Variants in RTF1 observed in about 807,000 individuals in gnomAD.
The protein encoded by RTF1 is RNA polymerase-associated protein RTF1 homolog.
In RTF1, 10 loss-of-function variants were observed where a neutral mutation model predicts 95.7. The ratio of observed to expected loss-of-function variants is 0.10; its 90% confidence interval spans 0.06 to 0.18. The LOEUF (loss-of-function observed/expected upper bound fraction) is 0.18, where lower values mean the gene tolerates loss of function less well. Ranked by LOEUF, RTF1 falls within the 10% of genes least tolerant of loss-of-function variation. RTF1 has a pLI of 1.00. For missense variants in RTF1, 458 were observed against 875.6 expected (o/e 0.52, Z 6.02); for synonymous variants, 305 against 311.8 (o/e 0.98, Z 0.23).
rs2050576179 is a variant in RTF1, at chr15:41,417,299, G to C, written c.184G>C (p.Glu62Gln). Reference protein sequence around the residue: ...DSDTEDSGSDENLDQELLSLA... With the variant: ...DSDTEDSGSDQNLDQELLSLA... ...GGACACAGAGGACAGCGGCAGCGACGAGAACCTGGATCAGGTGAGGGCAGG... is the reference window on the plus strand; with the variant it reads ...GGACACAGAGGACAGCGGCAGCGACCAGAACCTGGATCAGGTGAGGGCAGG... The change falls in exon 1 of 18, where the codon GAG (glutamate) becomes CAG (glutamine). Residue 62 changes from glutamate (E) to glutamine (Q), a missense_variant. Glu to Gln is a conservative substitution (Grantham distance 29). Coordinates refer to ENST00000389629, the MANE Select transcript of RTF1 (RefSeq NM_015138.5). The C allele has an allele frequency of 8.0e-7, 1 of 1,247,526 alleles. No individual in the cohort carries two copies. Among genetic ancestry groups the C allele is most frequent in the Admixed American group, 4.2e-5 (1 of 23,676 alleles). 77.3% of individuals were successfully genotyped at this position (1,247,526 alleles called of 1,614,324 possible).
At chr15:41,457,492 T>TCCAG (rs1380631070) in intron 3 of RTF1, among the ~76,000 whole-genome samples, 180 bp from the exon 4 acceptor site, 3 of 152,020 alleles carry the variant, frequency 2.0e-5, no homozygotes, top group African/African-American at 7.2e-5. Context: ...GCCACTGCAC[T>TCCAG]CCAGCCTAGG....
intron 1 of RTF1, among the ~76,000 whole-genome samples, chr15:41,418,734 G>A (rs2050584461): frequency 6.6e-6 from 1 of 150,844 alleles, no homozygotes; most frequent in South Asian, 2.1e-4. Flanking sequence ...TCTTGAACCC[G>A]GGAGGCGGAG....
chr15:41,456,262 G>A (rs1185831573), intron 3 of RTF1, among the ~76,000 whole-genome samples: 1 of 151,332 alleles, frequency 6.6e-6, no homozygotes, highest in Non-Finnish European at 1.5e-5. Flanking sequence ...TGAGGTCGGC[G>A]GATCATGAGG....
chr15:41,417,249 G>A lies in RTF1; in HGVS notation c.134G>A (p.Arg45Gln). ...CGGGGGACCACCATGGTAAAGAAGC[G>A]GAAAGGCCGCGTCGTGATCGACTCG... ...GSRGTTMVKK[R>Q]KGRVVIDSDT... The change falls in exon 1 of 18, where the codon CGG becomes CAG. Residue 45 changes from arginine to glutamine, a missense_variant. Arg to Gln is a conservative substitution (Grantham distance 43, BLOSUM62 1). Around this residue, in one of 11 missense-constraint regions of RTF1, gnomAD observed 44 missense variants for 99.5 expected, o/e 0.44. Coordinates refer to ENST00000389629, the MANE Select transcript of RTF1 (RefSeq NM_015138.5). 8.0e-7 allele frequency: 1 copy of A among 1,253,632 alleles called. No homozygotes were observed. 77.7% of individuals were successfully genotyped at this position (1,253,632 alleles called of 1,614,324 possible).
intron 16 of RTF1, 145 bp from the exon 17 acceptor site, chr15:41,480,069 C>T: frequency 1.6e-6 from 1 of 613,722 alleles, no homozygotes; most frequent in Non-Finnish European, 2.9e-6. Flanking sequence ...TCTGTGGCCT[C>T]CCTCTGAGAG....
chr15:41,454,817 C>T (rs1252175106), intron 3 of RTF1, among the ~76,000 whole-genome samples: 2 of 152,152 alleles, frequency 1.3e-5, no homozygotes, highest in African/African-American at 4.8e-5. Context: ...GTTGCTATTT[C>T]AACTTAAATT....
At chr15:41,426,876 C>T (rs1446950518) in intron 1 of RTF1, among the ~76,000 whole-genome samples, 1 of 149,526 alleles carries the variant, frequency 6.7e-6, no homozygotes, top group African/African-American at 2.5e-5. Flanking sequence ...GAGTCTCACT[C>T]TGTTGCCCAG....
At chr15:41,443,109 A>C (rs1215410539) in intron 2 of RTF1, among the ~76,000 whole-genome samples, 1 of 152,190 alleles carries the variant, frequency 6.6e-6, no homozygotes, top group Non-Finnish European at 1.5e-5. Flanking sequence ...TTAATCGGTA[A>C]TTTGTTTATA....
At position 41,482,790 on chromosome 15, in the gene RTF1, G is replaced by A. The variant is rs1246026560; in HGVS notation, c.*2103G>A. 1.3e-5 allele frequency: 2 copies of A among 152,506 alleles called. No homozygotes were observed. The highest frequency in any genetic ancestry group is 3.8e-4 in the East Asian group (2 of 5,202). 9.4% of individuals were successfully genotyped at this position (152,506 alleles called of 1,614,324 possible). On this transcript the variant is annotated 3_prime_UTR_variant, in exon 18 of 18. Coordinates refer to ENST00000389629, the MANE Select transcript of RTF1 (RefSeq NM_015138.5). ...TTCAGCAGAGTCCTGGAGCTGCTGG[G>A]ACCTCTCCTATCATGATGAACTTGG...
At chr15:41,465,266 C>A (rs2050874955) in intron 5 of RTF1, among the ~76,000 whole-genome samples, 1 of 151,836 alleles carries the variant, frequency 6.6e-6, no homozygotes, top group African/African-American at 2.4e-5. Context: ...AAGCCTCAAA[C>A]TCCTAGTCTC....
chr15:41,440,727 G>A (rs1244965041), intron 2 of RTF1, among the ~76,000 whole-genome samples: 1 of 147,772 alleles, frequency 6.8e-6, no homozygotes, highest in Non-Finnish European at 1.5e-5. Flanking sequence ...CTGACCTCGT[G>A]ATCTGCCCGC....
chr15:41,472,868 A>AT (rs2050920866), intron 8 of RTF1, among the ~76,000 whole-genome samples: 1 of 149,948 alleles, frequency 6.7e-6, no homozygotes, highest in Non-Finnish European at 1.5e-5. Flanking sequence ...CGCCTGGTTA[A>AT]TTTTTTGTAT....
chr15:41,451,763 C>A (rs1348652862), intron 2 of RTF1, among the ~76,000 whole-genome samples: 2 of 152,184 alleles, frequency 1.3e-5, no homozygotes, highest in East Asian at 1.9e-4. Context: ...CTGAGACCCA[C>A]CCCAGAACTA....
Position 41,452,886 on chromosome 15 carries a change from C to G in RTF1, c.310-15C>G, listed in dbSNP as rs1331262277. 28 of 1,548,768 alleles carry G rather than the reference C, an allele frequency of 1.8e-5. No individual in the cohort carries two copies. The highest frequency in any genetic ancestry group is 8.7e-5 in the Admixed American group (4 of 45,858). On this transcript the variant is annotated splice_polypyrimidine_tract_variant and intron_variant, in intron 2 of 17. Transcript: ENST00000389629. ...TATTCCTATTTCAGTCTTCCTTTTT[C>G]TTTTCTCCTTATAGTGGACATTTGG...
intron 1 of RTF1, among the ~76,000 whole-genome samples, chr15:41,426,781 A>ATGTGTGTGTGTGTGTGTG (rs58073154): frequency 1.0e-4 from 8 of 78,458 alleles, no homozygotes; most frequent in East Asian, 4.1e-4. Flanking sequence ...CTACATATAT[A>ATGTGTGTGTGTGTGTGTG]TGTGTGTGTG....
At chr15:41,459,482 T>C (rs1264575525) in intron 4 of RTF1, among the ~76,000 whole-genome samples, 1 of 152,234 alleles carries the variant, frequency 6.6e-6, no homozygotes, top group Non-Finnish European at 1.5e-5. Flanking sequence ...TAAGATTGCG[T>C]TGGTTTTAGA....
chr15:41,461,788 G>A (rs540179269), intron 4 of RTF1, among the ~76,000 whole-genome samples: 10 of 151,206 alleles, frequency 6.6e-5, no homozygotes, highest in African/African-American at 1.2e-4. Flanking sequence ...CGTGCCCGCC[G>A]GCCTGGCTAA....
intron 1 of RTF1, among the ~76,000 whole-genome samples, chr15:41,418,798 A>G (rs1197644767): frequency 3.3e-5 from 5 of 151,762 alleles, no homozygotes; most frequent in South Asian, 2.1e-4. Context: ...AAAAAAAAAA[A>G]AAAGAAAAGA....
rs868441345 is a variant in RTF1 at position 41,436,457 on chromosome 15, A to C, written c.199-1864A>C. Among the ~76,000 whole-genome samples, 96 of 129,166 alleles carry C rather than the reference A, an allele frequency of 7.4e-4. 1 individual carries two copies. In the South Asian group the frequency reaches 0.022, roughly 30 times the overall value. 84.7% of individuals were successfully genotyped at this position (129,166 alleles called of 152,430 possible). On this transcript the variant is annotated intron_variant, in intron 1 of 17. Transcript: ENST00000389629. ...GGGTGACAGAGCGAGACTCCGTCTCAAAAAAAAAAAAAAAAAAATTGCCAG... is the reference window on the plus strand; with the variant it reads ...GGGTGACAGAGCGAGACTCCGTCTCCAAAAAAAAAAAAAAAAAATTGCCAG...
Sources: allele counts gnomAD v4.1 joint callset (sites outside exome capture counted in the v4.1 genomes callset), GRCh38; gene constraint gnomAD v4.1.1; regional missense constraint gnomAD v4.1.1; transcripts MANE v1.5; gene names NCBI Gene and HGNC (gene_info 2026-07-23, HGNC 2026-07-21).